PTBP2: variants seen among roughly 807,000 people sequenced by gnomAD.
PTBP2 encodes polypyrimidine tract binding protein 2.
In PTBP2, 13 loss-of-function variants were observed where a neutral mutation model predicts 61.4. The observed-to-expected ratio is 0.21, with a 90% confidence interval of 0.14 to 0.34. PTBP2 has a LOEUF of 0.34. PTBP2 is among the 10% of genes least tolerant of loss of function. The pLI, the probability that PTBP2 is intolerant of heterozygous loss-of-function variation, is 1.00. For missense variants in PTBP2, 405 were observed against 642.6 expected, an observed-to-expected ratio of 0.63 and a Z score of 4.00; for synonymous variants, 215 against 218.5, an observed-to-expected ratio of 0.98 and a Z score of 0.14.
At chr1:96,750,888 G>A (rs1654454891) in intron 2 of PTBP2, among the ~76,000 whole-genome samples, 1 of 152,004 alleles carries the variant, frequency 6.6e-6, no homozygotes, top group African/African-American at 2.4e-5. Context: ...TTTAAGACAT[G>A]ACCTTATTTT....
rs762152365 is a variant in PTBP2, at chr1:96,726,074, C to CAAAAAAAAAA, written c.39+2508_39+2517dup. Among the ~76,000 whole-genome samples, 11 of 54,216 alleles carry CAAAAAAAAAA rather than the reference C, an allele frequency of 2.0e-4. 1 individual carries two copies. The highest frequency in any genetic ancestry group is 2.9e-4 in the Non-Finnish European group (9 of 31,188). 35.6% of individuals were successfully genotyped at this position (54,216 alleles called of 152,430 possible). A position where few individuals can be genotyped will look rare whatever the true frequency, so the allele number is the denominator to read the frequency against. ...TGGGCGACAGAGACAGACTCTATCT[C>CAAAAAAAAAA]AAAAAAAAAAAAAAAAAAAAAAAAA... On this transcript the variant is annotated intron_variant, in intron 2 of 13. Coordinates refer to ENST00000674951, the MANE Select transcript of PTBP2 (RefSeq NM_021190.4).
intron 8 of PTBP2, among the ~76,000 whole-genome samples, chr1:96,802,887 T>TC (rs1366554508): frequency 6.6e-6 from 1 of 152,204 alleles, no homozygotes; most frequent in African/African-American, 2.4e-5. Context: ...TTTAGTCAAA[T>TC]ATTCTGTGCA....
At chr1:96,812,655 TTA>T (rs1239594600) in intron 11 of PTBP2, 55 bp from the exon 12 acceptor site, 1 of 1,315,194 alleles carries the variant, frequency 7.6e-7, no homozygotes, top group South Asian at 1.3e-5. Flanking sequence ...GTTAAAAGAA[TTA>T]TGTTTGTTTT....
intron 2 of PTBP2, among the ~76,000 whole-genome samples, chr1:96,735,657 G>A (rs1178640824): frequency 6.6e-6 from 1 of 152,074 alleles, no homozygotes; most frequent in Non-Finnish European, 1.5e-5. Context: ...GCCTCAGACA[G>A]CACTAAATAT....
At chr1:96,741,522 A>G (rs1415403745) in intron 2 of PTBP2, among the ~76,000 whole-genome samples, 4 of 152,086 alleles carry the variant, frequency 2.6e-5, no homozygotes, top group African/African-American at 9.7e-5. Flanking sequence ...TTGGCCTCCT[A>G]AAGTGCTGAG....
chr1:96,785,122 G>C lies in PTBP2; in HGVS notation c.772G>C (p.Val258Leu). 1 of 1,609,396 alleles carries C rather than the reference G, an allele frequency of 6.2e-7. No homozygotes were observed. Among genetic ancestry groups the C allele is most frequent in the Non-Finnish European group, 8.5e-7 (1 of 1,177,272 alleles). ...CCTAAGGATTGATTTTTCCAAACTT[G>C]TGAATTTGAATGTAAAATACAACAA... ...CTLRIDFSKL[V>L]NLNVKYNNDK... The change falls in exon 8 of 14, where the codon GTG (valine) becomes CTG (leucine). Residue 258 changes from valine to leucine, a missense_variant. By Grantham distance (32) the Val-to-Leu change is conservative (BLOSUM62 1). Around this residue, in one of 4 missense-constraint regions of PTBP2, gnomAD observed 342 missense variants for 491.2 expected, o/e 0.70. Coordinates refer to ENST00000674951, the MANE Select transcript of PTBP2 (RefSeq NM_021190.4).
chr1:96,769,444 A>G (rs1657135542), intron 3 of PTBP2, among the ~76,000 whole-genome samples: 1 of 152,012 alleles, frequency 6.6e-6, no homozygotes. Flanking sequence ...GTTGTTGCTT[A>G]TTAATAATTA....
intron 2 of PTBP2, among the ~76,000 whole-genome samples, chr1:96,726,483 G>A (rs1314580007): frequency 6.6e-6 from 1 of 151,274 alleles, no homozygotes; most frequent in Non-Finnish European, 1.5e-5. Context: ...GGTCTCCCAG[G>A]CTGGAGTGCA....
At chr1:96,736,971 C>T (rs1443154307) in intron 2 of PTBP2, among the ~76,000 whole-genome samples, 1 of 144,970 alleles carries the variant, frequency 6.9e-6, no homozygotes, top group Admixed American at 7.2e-5. Context: ...TGAGTCTGGC[C>T]ACCTTTTTCT....
At chr1:96,794,285 A>T (rs893865456) in intron 8 of PTBP2, among the ~76,000 whole-genome samples, 5 of 152,200 alleles carry the variant, frequency 3.3e-5, no homozygotes, top group African/African-American at 1.2e-4. Flanking sequence ...CTGCATAAAG[A>T]TAGGTTTAAA....
At chr1:96,735,366 T>TA (rs1320526567) in intron 2 of PTBP2, among the ~76,000 whole-genome samples, 1 of 152,180 alleles carries the variant, frequency 6.6e-6, no homozygotes, top group Non-Finnish European at 1.5e-5. Context: ...GTCAAGAACA[T>TA]ACGATTTAGA....
intron 8 of PTBP2, 151 bp downstream of exon 8, chr1:96,785,405 C>G: frequency 1.8e-6 from 1 of 551,056 alleles, no homozygotes; most frequent in Non-Finnish European, 3.0e-6. Context: ...CATATGAATA[C>G]TGTTAAGAAA....
intron 3 of PTBP2, 94 bp from the exon 4 acceptor site, chr1:96,769,609 C>T: frequency 1.1e-6 from 1 of 935,264 alleles, no homozygotes; most frequent in Non-Finnish European, 1.5e-6. Flanking sequence ...TTTTTAAGTT[C>T]TTTTTGGAAA....
intron 3 of PTBP2, among the ~76,000 whole-genome samples, chr1:96,768,390 A>G (rs1186226741): frequency 3.9e-5 from 6 of 152,118 alleles, no homozygotes; most frequent in Admixed American, 1.3e-4. Context: ...GTTGTTGAAC[A>G]TACACAAACA....
intron 8 of PTBP2, among the ~76,000 whole-genome samples, chr1:96,799,199 G>C (rs954230803): frequency 1.3e-5 from 2 of 151,012 alleles, no homozygotes; most frequent in Non-Finnish European, 2.9e-5. Context: ...ACATGAAAAA[G>C]ATTCCTGCAA....
intron 8 of PTBP2, among the ~76,000 whole-genome samples, chr1:96,791,418 G>T (rs1173109791): frequency 6.6e-6 from 1 of 152,148 alleles, no homozygotes; most frequent in African/African-American, 2.4e-5. Flanking sequence ...CAGGGTTTCA[G>T]TATCCTACAA....
At chr1:96,763,439 G>C (rs181778650) in intron 3 of PTBP2, among the ~76,000 whole-genome samples, 3 of 151,442 alleles carry the variant, frequency 2.0e-5, no homozygotes, top group African/African-American at 7.3e-5. Context: ...CCAGTCAGGC[G>C]TGGCGGCGCG....
At chr1:96,806,529 C>T in intron 10 of PTBP2, 77 bp downstream of exon 10, 1 of 1,462,506 alleles carries the variant, frequency 6.8e-7, no homozygotes, top group Non-Finnish European at 9.5e-7. Context: ...GTAGCTAGCA[C>T]TTTGGCTTAA....
intron 2 of PTBP2, among the ~76,000 whole-genome samples, chr1:96,740,746 G>A (rs1421879280): frequency 1.3e-5 from 2 of 151,784 alleles, no homozygotes; most frequent in African/African-American, 4.8e-5. Context: ...TATGTATTCT[G>A]TAATTTGCTT....
Sources: allele counts gnomAD v4.1 joint callset (sites outside exome capture counted in the v4.1 genomes callset), GRCh38; gene constraint gnomAD v4.1.1; regional missense constraint gnomAD v4.1.1; transcripts MANE v1.5; gene names NCBI Gene and HGNC (gene_info 2026-07-23, HGNC 2026-07-21).